The following DCHS2 variants were observed in gnomAD, a reference collection of about 807,000 sequenced individuals.
DCHS2 encodes dachsous cadherin-related 2, also known as protocadherin-23.
In DCHS2, 142 loss-of-function variants were observed where a neutral mutation model predicts 182.4. That is an observed-to-expected ratio of 0.78 (90% CI 0.68 to 0.89). The LOEUF (loss-of-function observed/expected upper bound fraction) is 0.89, where lower values mean the gene tolerates loss of function less well. Among genes scored for constraint, DCHS2 ranks in the 40% least tolerant of loss-of-function variants. DCHS2 has a pLI of 0.00. For synonymous variants in DCHS2, 1,740 were observed against 1,663.3 expected (o/e 1.05, Z -1.12); for missense variants, 4,319 against 4,198.6 (o/e 1.03, Z -0.79).
chr4:154,317,491 G>A (rs956471521), intron 9 of DCHS2, among the ~76,000 whole-genome samples: 1 of 152,146 alleles, frequency 6.6e-6, no homozygotes, highest in African/African-American at 2.4e-5. Context: ...ATTTTCCAAC[G>A]GAATATAGCC....
rs1180479374 is a variant in DCHS2, at chr4:154,489,371, A to G, written c.1985T>C (p.Ile662Thr). 4.5e-6 allele frequency: 7 copies of G among 1,550,320 alleles called. No individual in the cohort carries two copies. In the East Asian group the frequency reaches 1.2e-4, roughly 27 times the overall value. Residue 662 changes from isoleucine to threonine, a missense_variant, in exon 1 of 20, where the codon ATC becomes ACC. By Grantham distance (89) the Ile-to-Thr change is moderately conservative. Transcript: ENST00000357232. ...TVDDVNDNEP[I>T]FWRQVYNATI... ...GGCATTGTACACCTGCCTCCAGAAG[A>G]TGGGCTCATTGTCATTCACATCATC...
intron 3 of DCHS2, among the ~76,000 whole-genome samples, chr4:154,338,854 G>C (rs1028548335): frequency 2.0e-5 from 3 of 152,092 alleles, no homozygotes; most frequent in African/African-American, 7.2e-5. Flanking sequence ...AATCCATTGT[G>C]CTTGAAAAAA....
chr4:154,291,123 C>A (rs1251955424), intron 13 of DCHS2, among the ~76,000 whole-genome samples: 2 of 151,924 alleles, frequency 1.3e-5, no homozygotes, highest in Non-Finnish European at 2.9e-5. Flanking sequence ...AAAAAATGGG[C>A]AAAACACCCA....
intron 1 of DCHS2, among the ~76,000 whole-genome samples, chr4:154,450,555 G>A (rs7686312): frequency 0.63 from 96,416 of 152,038 alleles, 31,882 homozygotes; most frequent in East Asian, 0.9. Flanking sequence ...GGAGCCAGCC[G>A]GGCAGGGTGG....
intron 3 of DCHS2, among the ~76,000 whole-genome samples, chr4:154,358,225 T>C (rs1304320734): frequency 2.0e-5 from 3 of 152,200 alleles, no homozygotes; most frequent in Admixed American, 1.3e-4. Flanking sequence ...TGTGTTGTTT[T>C]CCTCTCTGGA....
chr4:154,326,818 C>T (rs562275892), intron 7 of DCHS2, among the ~76,000 whole-genome samples: 1 of 152,172 alleles, frequency 6.6e-6, no homozygotes, highest in African/African-American at 2.4e-5. Context: ...TGGGTAAGGC[C>T]AACTTCCCAC....
At chr4:154,448,898 G>A (rs1371700565) in intron 1 of DCHS2, among the ~76,000 whole-genome samples, 1 of 152,142 alleles carries the variant, frequency 6.6e-6, no homozygotes, top group Admixed American at 6.6e-5. Flanking sequence ...ATTGCCATAT[G>A]CCATTCTTTG....
intron 3 of DCHS2, among the ~76,000 whole-genome samples, chr4:154,338,610 T>G (rs1728923526): frequency 6.6e-6 from 1 of 152,194 alleles, no homozygotes; most frequent in South Asian, 2.1e-4. Flanking sequence ...AGAAATCTAC[T>G]CTATATTTGT....
intron 1 of DCHS2, among the ~76,000 whole-genome samples, chr4:154,449,183 C>T (rs1465718365): frequency 6.7e-6 from 1 of 148,624 alleles, no homozygotes; most frequent in Non-Finnish European, 1.5e-5. Context: ...TAATTATATA[C>T]ATGATAAAAT....
At chr4:154,254,640 C>T (rs966683676) in intron 16 of DCHS2, among the ~76,000 whole-genome samples, 24 of 152,122 alleles carry the variant, frequency 1.6e-4, no homozygotes, top group Non-Finnish European at 2.5e-4. Flanking sequence ...AGATTGAGAC[C>T]AGCCTGGCCA....
chr4:154,357,409 A>G, intron 3 of DCHS2: 1 of 835,372 alleles, frequency 1.2e-6, no homozygotes, highest in Non-Finnish European at 2.0e-6. Flanking sequence ...GCCTTTCTTC[A>G]TAGTCCAGGA....
intron 16 of DCHS2, among the ~76,000 whole-genome samples, chr4:154,254,967 C>A (rs1732578475): frequency 6.6e-6 from 1 of 152,024 alleles, no homozygotes; most frequent in Non-Finnish European, 1.5e-5. Context: ...TTATTATTTC[C>A]TTTGTTGAAT....
Position 154,366,272 on chromosome 4 carries a change from G to GTCCCATATA in DCHS2, c.2405_2413dup (p.Ile802_Gly804dup). The GTCCCATATA allele has an allele frequency of 6.2e-7, 1 of 1,613,810 alleles. No individual in the cohort carries two copies. The highest frequency in any genetic ancestry group is 8.5e-7 in the Non-Finnish European group (1 of 1,179,922). Reference sequence around the variant, plus strand: ...TCCTGGAATAAGCTCATAAGCCACTGTCCCATATATCCCAGAGTCCTGGTC... The same window carrying GTCCCATATA: ...TCCTGGAATAAGCTCATAAGCCACTGTCCCATATATCCCATATATCCCAGAGTCCTGGTC... On this transcript the variant is annotated inframe_insertion, in exon 3 of 20. Transcript: ENST00000357232.
chr4:154,442,529 A>C (rs13140114), intron 1 of DCHS2, among the ~76,000 whole-genome samples: 4,228 of 40,560 alleles, frequency 0.1, 521 homozygotes, highest in Middle Eastern at 0.15. Context: ...AAAAGTGGAC[A>C]CCCCCCCCCC....
intron 2 of DCHS2, among the ~76,000 whole-genome samples, chr4:154,368,832 C>T (rs1333834662): frequency 2.0e-5 from 3 of 152,234 alleles, no homozygotes; most frequent in Middle Eastern, 6.8e-3. Flanking sequence ...AGGGTAAGCA[C>T]ACTAGTGGGG....
chr4:154,373,938 T>C (rs766675740), intron 2 of DCHS2: 83 of 1,604,254 alleles, frequency 5.2e-5, no homozygotes, highest in Non-Finnish European at 6.9e-5. Flanking sequence ...GGGCTAAATG[T>C]GTCATTCTCT....
intron 16 of DCHS2, among the ~76,000 whole-genome samples, chr4:154,253,539 T>G (rs1028628427): frequency 3.3e-5 from 5 of 152,214 alleles, no homozygotes; most frequent in Non-Finnish European, 4.4e-5. Context: ...TTGAGATTTA[T>G]CTGCAGTCAT....
intron 16 of DCHS2, among the ~76,000 whole-genome samples, chr4:154,252,472 G>C (rs79752694): frequency 0.021 from 3,202 of 151,732 alleles, 106 homozygotes; most frequent in African/African-American, 0.073. Flanking sequence ...ATTCCCACTT[G>C]CCCTCAATCC....
Position 154,489,308 on chromosome 4 carries a change from A to G in DCHS2, c.2048T>C (p.Leu683Pro), listed in dbSNP as rs553108932. ...CCACAGGCCTGATGCACTCACCTGC[A>G]GAAAGCAGTGTCCAACCGGGGCATG... ...AEHAPVGHCF[L>P]QVTASDADSG... The change falls in exon 1 of 20, where the codon CTG becomes CCG. Residue 683 changes from leucine (L) to proline (P), a missense_variant. Physicochemically the swap from Leu to Pro is moderately conservative, Grantham distance 98. Coordinates refer to ENST00000357232, the MANE Select transcript of DCHS2 (RefSeq NM_001358235.2). 2 of 1,515,558 alleles carry G rather than the reference A, an allele frequency of 1.3e-6. No homozygotes were observed. The highest frequency in any genetic ancestry group is 2.6e-5 in the South Asian group (2 of 78,050). 93.9% of individuals were successfully genotyped at this position (1,515,558 alleles called of 1,614,324 possible).
Sources: allele counts gnomAD v4.1 joint callset (sites outside exome capture counted in the v4.1 genomes callset), GRCh38; gene constraint gnomAD v4.1.1; transcripts MANE v1.5; gene names NCBI Gene and HGNC (gene_info 2026-07-23, HGNC 2026-07-21).